The following MSH3 variants were observed in gnomAD, a reference collection of about 807,000 sequenced individuals.
MSH3 encodes the protein mutS homolog 3.
A neutral mutation model predicts 123.3 loss-of-function variants in MSH3; 106 were observed. The ratio of observed to expected loss-of-function variants is 0.86; its 90% CI spans 0.73 to 1.01. The LOEUF (loss-of-function observed/expected upper bound fraction) is 1.01. MSH3 is among the 50% of genes least tolerant of loss of function. The pLI is 0.00. For missense variants in MSH3, 1,459 were observed against 1,347.6 expected (o/e 1.08, Z -1.29); for synonymous variants, 515 against 481.4 (o/e 1.07, Z -0.91).
intron 12 of MSH3, chr5:80,746,969 A>G (rs919480367): frequency 1.3e-5 from 2 of 157,604 alleles, no homozygotes; most frequent in Middle Eastern, 3.2e-3. Flanking sequence ...GGTCACTCCG[A>G]TTTCTTTTCT....
At chr5:80,744,710 C>T in intron 12 of MSH3, 95 bp downstream of exon 12, 1 of 879,674 alleles carries the variant, frequency 1.1e-6, no homozygotes, top group Non-Finnish European at 1.9e-6. Context: ...TTTTTAAGAA[C>T]ACAGTTTTAA....
At chr5:80,777,734 C>T (rs771348330) in intron 16 of MSH3, among the ~76,000 whole-genome samples, 2 of 152,136 alleles carry the variant, frequency 1.3e-5, no homozygotes, top group African/African-American at 4.8e-5. Flanking sequence ...AAAGGCCCAC[C>T]CCTAATCCAG....
rs2112808787 is a variant in MSH3, at chr5:80,665,216, T to A, written c.432T>A (p.Ser144=). The change falls in exon 3 of 24, where the codon TCT becomes TCA. Residue 144 remains serine, a synonymous_variant. Coordinates refer to ENST00000265081, the MANE Select transcript of MSH3 (RefSeq NM_002439.5). ...LEKLKEFCCD[S]ALPQSRVQTE... is the part of the protein sequence containing the mutation. ...AATTGAAAGAATTCTGCTGCGATTCTGCCCTTCCTCAAAGTAGAGTCCAGA... is the reference window on the plus strand; with the variant it reads ...AATTGAAAGAATTCTGCTGCGATTCAGCCCTTCCTCAAAGTAGAGTCCAGA... 2 of 1,614,172 alleles carry A rather than the reference T, an allele frequency of 1.2e-6. No individual in the cohort carries two copies. The highest frequency in any genetic ancestry group is 1.7e-6 in the Non-Finnish European group (2 of 1,180,004).
chr5:80,697,056 A>G (rs753846914), intron 8 of MSH3, among the ~76,000 whole-genome samples: 1 of 152,238 alleles, frequency 6.6e-6, no homozygotes, highest in African/African-American at 2.4e-5. Context: ...TAAGCATACA[A>G]AAATTTATAG....
chr5:80,819,696 A>T (rs187284000), intron 20 of MSH3, among the ~76,000 whole-genome samples: 315 of 152,122 alleles, frequency 2.1e-3, no homozygotes, highest in African/African-American at 6.8e-3. Context: ...CATGTTGGCC[A>T]GGCTGGTTTC....
chr5:80,692,110 GTATATGTTTAGATAGATAGATAAACAT>G (rs1750285716), intron 8 of MSH3, among the ~76,000 whole-genome samples: 1 of 146,082 alleles, frequency 6.8e-6, no homozygotes, highest in African/African-American at 2.5e-5. Context: ...AGATAAACAT[GTATATGTTTAGATAGATAGATAAACAT>G]GTATATGTTT....
rs1355464585 is a variant in MSH3, at chr5:80,678,978, G to A, written c.1225G>A (p.Ala409Thr). ...TGTGTTTGATAGTTTCCAGGACTCT[G>A]CTTCTCGTTCAGAGCTAGAAACCCG... Reference protein sequence around the residue: ...EVVFDSFQDSASRSELETRMS... With the variant: ...EVVFDSFQDSTSRSELETRMS... Residue 409 changes from alanine to threonine, a missense_variant, in exon 8 of 24, where the codon GCT becomes ACT. Transcript: ENST00000265081. The A allele has an allele frequency of 6.2e-7, 1 of 1,614,150 alleles. No homozygotes were observed. The highest frequency in any genetic ancestry group is 1.3e-5 in the African/African-American group (1 of 75,048).
intron 5 of MSH3, 75 bp downstream of exon 5, chr5:80,672,435 G>A (rs1580552012): frequency 9.1e-7 from 1 of 1,102,744 alleles, no homozygotes; most frequent in African/African-American, 1.5e-5. Context: ...GTTTTGTAAG[G>A]TGGTAGGTAG....
intron 20 of MSH3, among the ~76,000 whole-genome samples, chr5:80,838,195 A>G (rs1745552254): frequency 6.6e-6 from 1 of 152,226 alleles, no homozygotes; most frequent in African/African-American, 2.4e-5. Context: ...CAAGGGGGTG[A>G]ACACCAGAAA....
At chr5:80,801,973 G>A (rs961726569) in intron 19 of MSH3, among the ~76,000 whole-genome samples, 3 of 152,012 alleles carry the variant, frequency 2.0e-5, no homozygotes, top group African/African-American at 4.8e-5. Context: ...AGAAATTGAC[G>A]CCACAGTGAA....
At chr5:80,868,797 G>C (rs1746149228) in intron 22 of MSH3, among the ~76,000 whole-genome samples, 2 of 151,272 alleles carry the variant, frequency 1.3e-5, no homozygotes, top group Non-Finnish European at 2.9e-5. Flanking sequence ...CAACTCTATA[G>C]CTTCCATGTT....
chr5:80,677,442 T>G (rs1749867001), intron 7 of MSH3, among the ~76,000 whole-genome samples: 1 of 152,220 alleles, frequency 6.6e-6, no homozygotes, highest in Non-Finnish European at 1.5e-5. Context: ...ATTTGTTACT[T>G]TAACATCTGT....
intron 19 of MSH3, among the ~76,000 whole-genome samples, chr5:80,796,573 A>G (rs1744702470): frequency 6.6e-6 from 1 of 152,308 alleles, no homozygotes; most frequent in African/African-American, 2.4e-5. Context: ...ATTATAAAAT[A>G]TACCCTGAAA....
At chr5:80,746,555 A>G (rs1743724260) in intron 12 of MSH3, 1 of 431,024 alleles carries the variant, frequency 2.3e-6, no homozygotes, top group East Asian at 6.9e-5. Context: ...ACTTTCAGGA[A>G]TTGTTGGTCC....
At chr5:80,682,190 G>A (rs1749987719) in intron 8 of MSH3, among the ~76,000 whole-genome samples, 1 of 152,200 alleles carries the variant, frequency 6.6e-6, no homozygotes, top group Non-Finnish European at 1.5e-5. Context: ...GGGTCAAACA[G>A]TGTGGACTCT....
chr5:80,740,959 G>A (rs1323126044), intron 10 of MSH3, among the ~76,000 whole-genome samples: 2 of 151,070 alleles, frequency 1.3e-5, no homozygotes, highest in Non-Finnish European at 3.0e-5. Flanking sequence ...CAGGTGATCC[G>A]CCTGCCTCAG....
intron 18 of MSH3, among the ~76,000 whole-genome samples, chr5:80,791,598 G>T (rs1290962264): frequency 2.6e-5 from 4 of 151,774 alleles, no homozygotes; most frequent in African/African-American, 9.7e-5. Context: ...AATTTGTCAT[G>T]AGGTTGATTT....
At chr5:80,702,673 C>T (rs1382142208) in intron 8 of MSH3, among the ~76,000 whole-genome samples, 1 of 150,554 alleles carries the variant, frequency 6.6e-6, no homozygotes, top group Non-Finnish European at 1.5e-5. Flanking sequence ...ATACATTCCT[C>T]AATGAAAGCA....
chr5:80,690,861 C>T lies in MSH3; in HGVS notation c.1340+11768C>T, dbSNP rs78185769. 1.1e-3 allele frequency among the ~76,000 whole-genome samples: 170 copies of T among 152,110 alleles called. 4 individuals are homozygous for T. In the East Asian group the frequency reaches 0.029, roughly 26 times the overall value. On this transcript the variant is annotated intron_variant, in intron 8 of 23. Coordinates refer to ENST00000265081, the MANE Select transcript of MSH3 (RefSeq NM_002439.5). The stretch of plus-strand genomic sequence containing the variant: ...CAGTAGAAGTTACCAGAGTATATCA[C>T]GTGTAGTAAGGGTAAGTATTTCATG...
Sources: gnomAD v4.1 joint callset for allele counts (sites outside exome capture counted in the v4.1 genomes callset) on GRCh38, gnomAD v4.1.1 for gene constraint, MANE v1.5 for transcripts, NCBI Gene and HGNC (gene_info 2026-07-23, HGNC 2026-07-21) for gene names.